Variants in PPP2R3C observed in about 807,000 individuals in gnomAD.
The protein encoded by PPP2R3C is serine/threonine-protein phosphatase 2A regulatory subunit B'' subunit gamma.
A neutral mutation model predicts 63.7 loss-of-function variants in PPP2R3C; 47 were observed. The observed-to-expected ratio is 0.74, with a 90% CI of 0.58 to 0.94. PPP2R3C has a LOEUF of 0.94. PPP2R3C is among the 40% of genes least tolerant of loss of function. The pLI is 0.00. For synonymous variants in PPP2R3C, 180 were observed against 177.4 expected, an observed-to-expected ratio of 1.01 and a Z score of -0.12; for missense variants, 421 against 518.4, an observed-to-expected ratio of 0.81 and a Z score of 1.82.
intron 2 of PPP2R3C, among the ~76,000 whole-genome samples, chr14:35,114,964 G>T (rs1438778848): frequency 1.3e-5 from 2 of 151,724 alleles, no homozygotes; most frequent in Admixed American, 1.3e-4. Context: ...ATTGCACTCC[G>T]GCCTGGGCAA....
chr14:35,097,368 T>C (rs1207481242), intron 7 of PPP2R3C, among the ~76,000 whole-genome samples: 2 of 152,214 alleles, frequency 1.3e-5, no homozygotes, highest in Non-Finnish European at 2.9e-5. Flanking sequence ...GTACTGCTGG[T>C]ACACGAACAG....
intron 2 of PPP2R3C, among the ~76,000 whole-genome samples, chr14:35,113,815 A>G (rs1341810006): frequency 6.6e-6 from 1 of 152,076 alleles, no homozygotes; most frequent in Non-Finnish European, 1.5e-5. Context: ...CAACCAGACA[A>G]TGCTGACCTG....
At chr14:35,113,805 C>T (rs1287694732) in intron 2 of PPP2R3C, among the ~76,000 whole-genome samples, 1 of 152,142 alleles carries the variant, frequency 6.6e-6, no homozygotes, top group Non-Finnish European at 1.5e-5. Context: ...ATAACCATAG[C>T]AACCAGACAA....
At chr14:35,094,570 C>T (rs2045935299) in intron 10 of PPP2R3C, among the ~76,000 whole-genome samples, 2 of 151,652 alleles carry the variant, frequency 1.3e-5, no homozygotes, top group Non-Finnish European at 2.9e-5. Context: ...GCCCTGAGGC[C>T]ATAATGCAGA....
Position 35,109,852 on chromosome 14 carries a change from A to G in PPP2R3C, c.371T>C (p.Leu124Ser). The stretch of plus-strand genomic sequence containing the variant: ...TGCTCCAGCCTTTTCACCAACCTTC[A>G]AAAAGTTTTCGTAATTGATCATCGC... ...EEAMINYENFLKVGEKAGAKC... is the reference protein window; with the variant it reads ...EEAMINYENFSKVGEKAGAKC... The change falls in exon 4 of 13, where the codon TTG becomes TCG. Residue 124 changes from leucine to serine, a missense_variant. Physicochemically the swap from Leu to Ser is moderately radical, Grantham distance 145. Coordinates refer to ENST00000261475, the MANE Select transcript of PPP2R3C (RefSeq NM_017917.4). 1.2e-6 allele frequency: 2 copies of G among 1,608,668 alleles called. No homozygotes were observed. The highest frequency in any genetic ancestry group is 1.7e-6 in the Non-Finnish European group (2 of 1,175,304).
At chr14:35,085,977 A>G (rs1283714861) in intron 12 of PPP2R3C, 199 bp from the exon 13 acceptor site, 6 of 536,088 alleles carry the variant, frequency 1.1e-5, no homozygotes, top group African/African-American at 9.6e-5. Flanking sequence ...TCTACCTACA[A>G]CCACAAAATT....
At chr14:35,110,230 A>G in intron 3 of PPP2R3C, 1 of 440,076 alleles carries the variant, frequency 2.3e-6, no homozygotes, top group Non-Finnish European at 4.0e-6. Flanking sequence ...CTAAAGTCAT[A>G]TAGCAGGGCT....
At chr14:35,108,327 C>T in intron 4 of PPP2R3C, 91 bp from the exon 5 acceptor site, 2 of 1,397,930 alleles carry the variant, frequency 1.4e-6, no homozygotes, top group Non-Finnish European at 1.9e-6. Context: ...TAAATTCATA[C>T]AATTAAAAAT....
intron 6 of PPP2R3C, chr14:35,102,054 A>T (rs1316557029): frequency 6.0e-5 from 8 of 132,666 alleles, no homozygotes; most frequent in African/African-American, 2.3e-4. Context: ...TTTGAGACGG[A>T]GTCTCAGTCC....
intron 5 of PPP2R3C, chr14:35,107,935 T>TAA (rs1305385273): frequency 3.9e-6 from 2 of 506,510 alleles, no homozygotes; most frequent in Admixed American, 4.1e-5. Context: ...AGTCTACTAT[T>TAA]ATCTTTAAGA....
chr14:35,089,903 G>A (rs532673226), intron 11 of PPP2R3C, among the ~76,000 whole-genome samples: 72 of 151,684 alleles, frequency 4.7e-4, no homozygotes, highest in Non-Finnish European at 9.1e-4. Flanking sequence ...CTGACCTTGC[G>A]ATCCGCCCAC....
chr14:35,090,746 C>T lies in PPP2R3C; in HGVS notation c.1113+324G>A, dbSNP rs531256875. ...TTTTTTTTTTTTTGAGACGGAGTCT[C>T]GCTCTGTCGCCCAGGCTGGAGTGCA... On this transcript the variant is annotated intron_variant, in intron 11 of 12. Coordinates refer to ENST00000261475, the MANE Select transcript of PPP2R3C (RefSeq NM_017917.4). Among the ~76,000 whole-genome samples the T allele has an allele frequency of 2.2e-3, 287 of 129,022 alleles. 2 individuals carry two copies. Among genetic ancestry groups the T allele is most frequent in the African/African-American group, 8.2e-3 (277 of 33,892 alleles). 84.6% of individuals were successfully genotyped at this position (129,022 alleles called of 152,430 possible). A position where few individuals can be genotyped will look rare whatever the true frequency, so the allele number is the denominator to read the frequency against.
chr14:35,088,171 C>T, intron 11 of PPP2R3C, 161 bp from the exon 12 acceptor site: 1 of 635,630 alleles, frequency 1.6e-6, no homozygotes, highest in South Asian at 1.9e-5. Context: ...CCTTATTCCA[C>T]ATCAGTGAGC....
upstream of PPP2R3C, chr14:35,122,115 A>T (rs2046926287): frequency 3.0e-6 from 2 of 667,232 alleles, no homozygotes; most frequent in Admixed American, 5.4e-5. Flanking sequence ...AAGAGGCAAA[A>T]ACAATTACTG....
chr14:35,098,466 C>T (rs1354083783), intron 7 of PPP2R3C, among the ~76,000 whole-genome samples: 1 of 150,880 alleles, frequency 6.6e-6, no homozygotes, highest in Admixed American at 6.7e-5. Context: ...CCTGCCTCAG[C>T]CTCTCGAGTA....
At chr14:35,113,509 C>T (rs1344466483) in intron 2 of PPP2R3C, among the ~76,000 whole-genome samples, 2 of 152,088 alleles carry the variant, frequency 1.3e-5, no homozygotes, top group Admixed American at 6.6e-5. Flanking sequence ...GGGGTCACAC[C>T]ATTCCTATCC....
intron 7 of PPP2R3C, among the ~76,000 whole-genome samples, chr14:35,097,383 ACT>A (rs905163089): frequency 1.3e-5 from 2 of 152,166 alleles, no homozygotes; most frequent in African/African-American, 2.4e-5. Flanking sequence ...GAACAGGGAC[ACT>A]GTCTCCATTT....
chr14:35,115,907 GCCA>G (rs1326431982), intron 2 of PPP2R3C, among the ~76,000 whole-genome samples: 10 of 152,082 alleles, frequency 6.6e-5, no homozygotes, highest in African/African-American at 2.4e-4. Context: ...ACAGGCATGA[GCCA>G]CCATGCCTGG....
At chr14:35,106,527 G>A (rs2046363810) in intron 6 of PPP2R3C, 1 of 152,258 alleles carries the variant, frequency 6.6e-6, no homozygotes, top group Non-Finnish European at 1.5e-5. Context: ...ATTTTTAGTA[G>A]AGATGGAATT....
Sources: gnomAD v4.1 joint callset for allele counts (sites outside exome capture counted in the v4.1 genomes callset) on GRCh38, gnomAD v4.1.1 for gene constraint, MANE v1.5 for transcripts, NCBI Gene and HGNC (gene_info 2026-07-23, HGNC 2026-07-21) for gene names.